Variants in ATRNL1 observed in about 807,000 individuals in gnomAD.
ATRNL1 encodes attractin like 1.
A neutral mutation model predicts 182.7 loss-of-function variants in ATRNL1; 95 were observed. The ratio of observed to expected loss-of-function variants is 0.52; its 90% CI spans 0.44 to 0.62. The LOEUF is 0.62. Ranked by LOEUF, ATRNL1 falls within the 20% of genes least tolerant of loss-of-function variation. The pLI is 0.00. For missense variants in ATRNL1, 1,471 were observed against 1,679.5 expected (o/e 0.88, Z 2.17); for synonymous variants, 576 against 568.3 (o/e 1.01, Z -0.19).
rs372358224 is a variant in ATRNL1 at position 115,538,750 on chromosome 10, G to A, written c.3717-10708G>A. Among the ~76,000 whole-genome samples, 37 of 152,056 alleles carry A rather than the reference G, an allele frequency of 2.4e-4. No homozygotes were observed. In the East Asian group the frequency reaches 4.8e-3, roughly 20 times the overall value. ...TTAAAAACTTGATTATGCTTTTGAC[G>A]TCATATCCAAGGACTCTCCCTAACT... On this transcript the variant is annotated intron_variant, in intron 25 of 28. Coordinates refer to ENST00000355044, the MANE Select transcript of ATRNL1 (RefSeq NM_207303.4).
At chr10:115,362,429 C>G (rs974187812) in intron 19 of ATRNL1, among the ~76,000 whole-genome samples, 15 of 151,446 alleles carry the variant, frequency 9.9e-5, no homozygotes, top group African/African-American at 3.4e-4. Flanking sequence ...CTTAAATTAA[C>G]TTAACATATT....
intron 28 of ATRNL1, among the ~76,000 whole-genome samples, chr10:115,888,528 C>A (rs1055822839): frequency 1.3e-5 from 2 of 152,144 alleles, no homozygotes; most frequent in African/African-American, 2.4e-5. Flanking sequence ...ATAAATAATA[C>A]CTGTCTTTCA....
At chr10:115,214,670 T>G (rs1209824226) in intron 8 of ATRNL1, among the ~76,000 whole-genome samples, 1 of 152,188 alleles carries the variant, frequency 6.6e-6, no homozygotes, top group Non-Finnish European at 1.5e-5. Context: ...ATGTGATCTA[T>G]ATGCATATTT....
intron 27 of ATRNL1, among the ~76,000 whole-genome samples, chr10:115,747,834 T>C (rs1308542415): frequency 6.6e-6 from 1 of 152,032 alleles, no homozygotes; most frequent in Non-Finnish European, 1.5e-5. Context: ...CAGTATCTGG[T>C]GAGGGCCCAA....
chr10:115,101,471 A>AT (rs1380106644), intron 1 of ATRNL1, among the ~76,000 whole-genome samples: 51 of 152,090 alleles, frequency 3.4e-4, no homozygotes, highest in African/African-American at 1.2e-3. Context: ...TAATCATATG[A>AT]TTTTTTCAAG....
chr10:115,833,072 G>A (rs1950594386), intron 27 of ATRNL1, among the ~76,000 whole-genome samples: 2 of 152,140 alleles, frequency 1.3e-5, no homozygotes, highest in East Asian at 1.9e-4. Flanking sequence ...AACTAAGAAT[G>A]TATGGTGTTC....
At chr10:115,829,529 A>G (rs755324167) in intron 27 of ATRNL1, among the ~76,000 whole-genome samples, 1 of 151,930 alleles carries the variant, frequency 6.6e-6, no homozygotes, top group South Asian at 2.1e-4. Flanking sequence ...AAAAAAAAGT[A>G]AAATATTCCT....
intron 27 of ATRNL1, among the ~76,000 whole-genome samples, chr10:115,799,913 C>T (rs1949751824): frequency 6.6e-6 from 1 of 152,024 alleles, no homozygotes; most frequent in East Asian, 1.9e-4. Context: ...GGTACTGATA[C>T]TTTTCTTCTT....
intron 24 of ATRNL1, among the ~76,000 whole-genome samples, chr10:115,511,832 T>G (rs1554982734): frequency 6.6e-6 from 1 of 151,936 alleles, no homozygotes; most frequent in Non-Finnish European, 1.5e-5. Flanking sequence ...CAAAATGTAT[T>G]ATCAGGGTTA....
intron 27 of ATRNL1, among the ~76,000 whole-genome samples, chr10:115,768,909 G>A (rs1180255673): frequency 2.0e-5 from 3 of 151,944 alleles, no homozygotes; most frequent in South Asian, 2.1e-4. Flanking sequence ...ATTAAGTTCT[G>A]TATCTTTAAA....
At chr10:115,440,776 G>A (rs1370795429) in intron 21 of ATRNL1, among the ~76,000 whole-genome samples, 1 of 149,930 alleles carries the variant, frequency 6.7e-6, no homozygotes, top group Non-Finnish European at 1.5e-5. Context: ...TTGCTGGGGG[G>A]AAAAAAAAAT....
At position 115,810,739 on chromosome 10, in the gene ATRNL1, T is replaced by C. The variant is rs569420968; in HGVS notation, c.3904-37138T>C. Among the ~76,000 whole-genome samples the C allele has an allele frequency of 1.8e-3, 280 of 151,956 alleles. 1 individual carries two copies. The highest frequency in any genetic ancestry group is 3.1e-3 in the Non-Finnish European group (208 of 67,834). ...TGAGTGAGTTTTGGTATTTTTAGAT[T>C]TTCCAGGAATTTATTATTTTATCTA... On this transcript the variant is annotated intron_variant, in intron 27 of 28. Coordinates refer to ENST00000355044, the MANE Select transcript of ATRNL1 (RefSeq NM_207303.4).
intron 28 of ATRNL1, among the ~76,000 whole-genome samples, chr10:115,932,304 A>G (rs543847564): frequency 7.2e-5 from 11 of 152,300 alleles, no homozygotes; most frequent in African/African-American, 2.6e-4. Flanking sequence ...CACTTAGCAA[A>G]CATCAGAGGA....
intron 28 of ATRNL1, among the ~76,000 whole-genome samples, chr10:115,869,875 A>T (rs1055881800): frequency 4.0e-5 from 6 of 151,198 alleles, no homozygotes; most frequent in Non-Finnish European, 5.9e-5. Flanking sequence ...CAGCAATATA[A>T]TTTTAATGAC....
chr10:115,396,362 G>A, intron 20 of ATRNL1, among the ~76,000 whole-genome samples: 1 of 151,862 alleles, frequency 6.6e-6, no homozygotes. Flanking sequence ...TATAAGTAAG[G>A]CCAACTTCAT....
intron 22 of ATRNL1, among the ~76,000 whole-genome samples, chr10:115,462,429 T>C (rs1287137064): frequency 1.3e-5 from 2 of 151,960 alleles, no homozygotes; most frequent in Non-Finnish European, 2.9e-5. Context: ...CTGGCCAATG[T>C]GGTGAATCCC....
chr10:115,110,972 C>T (rs1014995333), intron 1 of ATRNL1, among the ~76,000 whole-genome samples: 3 of 152,198 alleles, frequency 2.0e-5, no homozygotes, highest in Admixed American at 6.5e-5. Flanking sequence ...GGAAGATGCT[C>T]TGGCATTTTA....
At chr10:115,541,167 G>A (rs1053468417) in intron 25 of ATRNL1, among the ~76,000 whole-genome samples, 1 of 152,112 alleles carries the variant, frequency 6.6e-6, no homozygotes, top group African/African-American at 2.4e-5. Flanking sequence ...CTGTATAAAA[G>A]CCAAAGGCCT....
intron 10 of ATRNL1, among the ~76,000 whole-genome samples, chr10:115,262,802 T>A (rs1015915896): frequency 6.6e-6 from 1 of 151,970 alleles, no homozygotes; most frequent in African/African-American, 2.4e-5. Flanking sequence ...CACCAGTAAC[T>A]GGAAAAATGT....
Sources: gnomAD v4.1 joint callset for allele counts (sites outside exome capture counted in the v4.1 genomes callset) on GRCh38, gnomAD v4.1.1 for gene constraint, MANE v1.5 for transcripts, NCBI Gene and HGNC (gene_info 2026-07-23, HGNC 2026-07-21) for gene names.